SSBP3: variants seen among roughly 807,000 people sequenced by gnomAD.
SSBP3 encodes single stranded DNA binding protein 3.
SSBP3 carries 5 observed loss-of-function variants against 69.6 expected under a neutral mutation model. That is an observed-to-expected ratio of 0.07 (90% CI 0.04 to 0.15). SSBP3 has a LOEUF of 0.15. Ranked by LOEUF, SSBP3 falls within the 10% of genes least tolerant of loss-of-function variation. The pLI, the probability that SSBP3 is intolerant of heterozygous loss-of-function variation, is 1.00. For synonymous variants in SSBP3, 196 were observed against 193.4 expected (o/e 1.01, Z -0.11); for missense variants, 312 against 534.0 (o/e 0.58, Z 4.10).
chr1:54,226,247 G>A (rs955439809), exon 18 of SSBP3: 1 of 46,250 alleles, frequency 2.2e-5, no homozygotes, highest in African/African-American at 1.1e-4. Context: ...AGAGGAGGAG[G>A]GTGTCCTGGG....
At chr1:54,228,891 G>A (rs1193456300) in intron 14 of SSBP3, 65 bp from the exon 15 acceptor site, 1 of 1,533,050 alleles carries the variant, frequency 6.5e-7, no homozygotes, top group Non-Finnish European at 8.9e-7. Context: ...CTCACAGGCA[G>A]GGGGCTGCAG....
chr1:54,373,426 G>A (rs1437974325), intron 4 of SSBP3, among the ~76,000 whole-genome samples: 1 of 152,140 alleles, frequency 6.6e-6, no homozygotes, highest in Non-Finnish European at 1.5e-5. Context: ...CTCTGGGGCT[G>A]CCCTGGATGG....
Position 54,265,996 on chromosome 1 carries a change from G to A in SSBP3, c.367-7847C>T, listed in dbSNP as rs1039722823. On this transcript the variant is annotated intron_variant, in intron 5 of 17. Coordinates refer to ENST00000610401, the Ensembl canonical transcript of SSBP3. The stretch of plus-strand genomic sequence containing the variant: ...GCATGAAACTCACTTGCCTCCTGGC[G>A]GAACAGAATCAGCAAGTGATGGTTT... Among the ~76,000 whole-genome samples, 4 of 152,234 alleles carry A rather than the reference G, an allele frequency of 2.6e-5. No individual in the cohort carries two copies. In the South Asian group the frequency reaches 8.3e-4, roughly 31 times the overall value.
chr1:54,372,036 A>G (rs1021469206), intron 4 of SSBP3, among the ~76,000 whole-genome samples: 1 of 152,174 alleles, frequency 6.6e-6, no homozygotes, highest in African/African-American at 2.4e-5. Flanking sequence ...CCAAACCACT[A>G]GTTAATGAGT....
intron 4 of SSBP3, among the ~76,000 whole-genome samples, chr1:54,359,129 G>A (rs1488970959): frequency 2.0e-5 from 3 of 148,372 alleles, no homozygotes; most frequent in Admixed American, 1.4e-4. Context: ...TATTTTAAAC[G>A]TAAACCCACT....
chr1:54,364,085 G>C (rs1646990995), intron 4 of SSBP3, among the ~76,000 whole-genome samples: 1 of 152,232 alleles, frequency 6.6e-6, no homozygotes, highest in African/African-American at 2.4e-5. Flanking sequence ...TAGAGCTTAG[G>C]TTGGCAAACC....
At chr1:54,349,344 G>T (rs1646742804) in intron 4 of SSBP3, among the ~76,000 whole-genome samples, 1 of 152,216 alleles carries the variant, frequency 6.6e-6, no homozygotes, top group African/African-American at 2.4e-5. Context: ...CACACAGTAG[G>T]CACCCAAATG....
chr1:54,289,386 TG>T (rs1645564216), intron 4 of SSBP3, among the ~76,000 whole-genome samples: 1 of 86,214 alleles, frequency 1.2e-5, no homozygotes, highest in Non-Finnish European at 2.4e-5. Context: ...AGAAACAAGG[TG>T]GGGGGTGGGG....
upstream of SSBP3, among the ~76,000 whole-genome samples, chr1:54,406,928 C>T (rs1226329084): frequency 6.6e-6 from 1 of 151,888 alleles, no homozygotes; most frequent in East Asian, 1.9e-4. Context: ...CCGACCCCGA[C>T]CCCCTCCCCA....
intron 4 of SSBP3, among the ~76,000 whole-genome samples, chr1:54,318,677 T>G (rs567556530): frequency 1.3e-5 from 2 of 152,088 alleles, no homozygotes; most frequent in Admixed American, 1.3e-4. Context: ...AATGTGTCCA[T>G]AGCCTGCTCT....
intron 6 of SSBP3, among the ~76,000 whole-genome samples, chr1:54,257,670 G>T (rs1644946364): frequency 6.6e-6 from 1 of 152,154 alleles, no homozygotes; most frequent in Non-Finnish European, 1.5e-5. Context: ...GAGACAGCGG[G>T]CTCCCTAACT....
At chr1:54,280,255 C>T (rs1413539613) in intron 5 of SSBP3, among the ~76,000 whole-genome samples, 2 of 152,220 alleles carry the variant, frequency 1.3e-5, no homozygotes, top group Non-Finnish European at 2.9e-5. Flanking sequence ...AATCATCTTC[C>T]AGATCATCTC....
chr1:54,234,927 T>C (rs116052296), intron 14 of SSBP3, among the ~76,000 whole-genome samples: 73 of 152,244 alleles, frequency 4.8e-4, no homozygotes, highest in African/African-American at 1.7e-3. Context: ...GTACCCAGCT[T>C]AGAACACCTT....
intron 4 of SSBP3, among the ~76,000 whole-genome samples, chr1:54,300,413 G>C (rs2100995906): frequency 6.6e-6 from 1 of 152,274 alleles, no homozygotes; most frequent in South Asian, 2.1e-4. Flanking sequence ...GCCCAGAGCA[G>C]GTGCTCGGGG....
rs536534023 is a variant in SSBP3, at chr1:54,300,951, T to TC, written c.277-19425dup. 9.2e-5 allele frequency among the ~76,000 whole-genome samples: 14 copies of TC among 152,296 alleles called. No homozygotes were observed. In the South Asian group the frequency reaches 2.9e-3, roughly 32 times the overall value. ...CTGATATCCACGGGCATTTCCAACA[T>TC]CCCAAATGCTCTGTGCCCCTGGTGT... On this transcript the variant is annotated intron_variant, in intron 4 of 17. Coordinates refer to ENST00000610401, the Ensembl canonical transcript of SSBP3.
At chr1:54,370,167 G>A (rs1309064903) in intron 4 of SSBP3, among the ~76,000 whole-genome samples, 1 of 152,094 alleles carries the variant, frequency 6.6e-6, no homozygotes, top group East Asian at 1.9e-4. Context: ...ATCCTCCAGG[G>A]CCTTCCTGGA....
intron 4 of SSBP3, among the ~76,000 whole-genome samples, chr1:54,391,227 G>A (rs964328951): frequency 2.6e-5 from 4 of 152,160 alleles, no homozygotes; most frequent in East Asian, 1.9e-4. Flanking sequence ...GCATTTTCAC[G>A]TGCTCTCACC....
chr1:54,302,668 A>G (rs1250778594), intron 4 of SSBP3, among the ~76,000 whole-genome samples: 2 of 152,232 alleles, frequency 1.3e-5, no homozygotes, highest in Non-Finnish European at 2.9e-5. Context: ...TGGGCGCTCA[A>G]TAAACATTTG....
chr1:54,244,191 C>G (rs761271396), intron 9 of SSBP3, among the ~76,000 whole-genome samples: 2 of 152,110 alleles, frequency 1.3e-5, no homozygotes, highest in Non-Finnish European at 2.9e-5. Flanking sequence ...GCAACCTCCA[C>G]CTCCCAGGTT....
Sources: gnomAD v4.1 joint callset for allele counts (sites outside exome capture counted in the v4.1 genomes callset) on GRCh38, gnomAD v4.1.1 for gene constraint, MANE v1.5 for transcripts, NCBI Gene and HGNC (gene_info 2026-07-23, HGNC 2026-07-21) for gene names.